Variants in KIF6 observed in about 807,000 individuals in gnomAD.
The protein encoded by KIF6 is kinesin family member 6, also known as kinesin-like protein KIF6.
In KIF6, 106 loss-of-function variants were observed where a neutral mutation model predicts 112.7. That is an observed-to-expected ratio of 0.94 (90% confidence interval 0.80 to 1.11). KIF6 has a LOEUF of 1.11. KIF6 is among the 50% of genes least tolerant of loss of function. The pLI, the probability that KIF6 is intolerant of heterozygous loss-of-function variation, is 0.00. For missense variants in KIF6, 929 were observed against 964.0 expected (o/e 0.96, Z 0.48); for synonymous variants, 339 against 339.9 (o/e 1.00, Z 0.03).
chr6:39,478,595 T>C (rs2150452513), intron 13 of KIF6, among the ~76,000 whole-genome samples: 1 of 152,290 alleles, frequency 6.6e-6, no homozygotes, highest in East Asian at 1.9e-4. Flanking sequence ...CTACTTTTAG[T>C]TCTTTAAGGA....
intron 13 of KIF6, among the ~76,000 whole-genome samples, chr6:39,527,762 C>A (rs1029167885): frequency 6.6e-6 from 1 of 152,144 alleles, no homozygotes; most frequent in Non-Finnish European, 1.5e-5. Flanking sequence ...ATATCCCTGC[C>A]AACTCTACAC....
chr6:39,356,873 A>G (rs1174119402), intron 19 of KIF6, among the ~76,000 whole-genome samples: 1 of 152,186 alleles, frequency 6.6e-6, no homozygotes, highest in Admixed American at 6.5e-5. Flanking sequence ...GATCCTGGCT[A>G]GGACGAAGAG....
chr6:39,591,848 C>T (rs977541152), intron 7 of KIF6, among the ~76,000 whole-genome samples: 4 of 152,168 alleles, frequency 2.6e-5, no homozygotes, highest in Non-Finnish European at 4.4e-5. Flanking sequence ...AGCGGTGGCT[C>T]ACACCTGTAA....
chr6:39,662,961 C>T (rs1276617337), intron 3 of KIF6, among the ~76,000 whole-genome samples: 1 of 151,492 alleles, frequency 6.6e-6, no homozygotes, highest in Non-Finnish European at 1.5e-5. Context: ...GTGGCACCAT[C>T]ATGGCTCACT....
At chr6:39,575,966 T>G (rs775124380) in intron 10 of KIF6, among the ~76,000 whole-genome samples, 1 of 152,190 alleles carries the variant, frequency 6.6e-6, no homozygotes, top group Non-Finnish European at 1.5e-5. Context: ...GAGAGATCCA[T>G]GTGTTTATCC....
At chr6:39,416,614 G>C (rs1234159483) in intron 15 of KIF6, among the ~76,000 whole-genome samples, 1 of 152,154 alleles carries the variant, frequency 6.6e-6, no homozygotes, top group Non-Finnish European at 1.5e-5. Context: ...TATCTACCTA[G>C]TTGGGTTGGC....
chr6:39,459,532 TTAAAC>T, intron 13 of KIF6, among the ~76,000 whole-genome samples: 1 of 12,168 alleles, frequency 8.2e-5, no homozygotes, highest in Non-Finnish European at 1.3e-4. Context: ...TGGTATCTAA[TTAAAC>T]TAAAGAGCTT....
chr6:39,691,006 A>T (rs571455941), intron 3 of KIF6: 1 of 152,384 alleles, frequency 6.6e-6, no homozygotes, highest in South Asian at 2.1e-4. Context: ...GAAACAATGA[A>T]TAATTTTATG....
intron 3 of KIF6, chr6:39,691,738 CA>C (rs1374119403): frequency 2.0e-5 from 3 of 152,154 alleles, no homozygotes; most frequent in Non-Finnish European, 4.4e-5. Flanking sequence ...TCAAATGGAA[CA>C]ATGAAAATCT....
intron 9 of KIF6, among the ~76,000 whole-genome samples, chr6:39,579,817 T>A (rs1035547405): frequency 1.3e-5 from 2 of 151,912 alleles, no homozygotes; most frequent in African/African-American, 4.8e-5. Context: ...ATAATATGTT[T>A]ATATATATAA....
chr6:39,413,614 G>A (rs11755129), intron 15 of KIF6, among the ~76,000 whole-genome samples: 5,764 of 152,122 alleles, frequency 0.038, 192 homozygotes, highest in Non-Finnish European at 0.051. Flanking sequence ...ACGAAGGTAC[G>A]AATTCTAAAG....
chr6:39,546,972 T>C (rs557507540), intron 10 of KIF6, among the ~76,000 whole-genome samples: 1 of 152,324 alleles, frequency 6.6e-6, no homozygotes, highest in Admixed American at 6.5e-5. Flanking sequence ...AACACAAATA[T>C]GTTCACTAGT....
intron 13 of KIF6, among the ~76,000 whole-genome samples, chr6:39,528,527 T>C (rs889181913): frequency 6.6e-6 from 1 of 152,250 alleles, no homozygotes; most frequent in African/African-American, 2.4e-5. Context: ...ATTCTATTTC[T>C]AGTTTTTCTA....
intron 3 of KIF6, among the ~76,000 whole-genome samples, chr6:39,709,837 A>ATATCTGAAGTGGTATAGTGTC (rs566756453): frequency 1.1e-3 from 170 of 152,302 alleles, no homozygotes; most frequent in African/African-American, 3.9e-3. Flanking sequence ...TTTCTGTTTA[A>ATATCTGAAGTGGTATAGTGTC]TATCTGAAGT....
intron 3 of KIF6, among the ~76,000 whole-genome samples, chr6:39,693,088 A>G (rs2113809558): frequency 6.6e-6 from 1 of 152,330 alleles, no homozygotes; most frequent in African/African-American, 2.4e-5. Context: ...GCCCAGATCA[A>G]TGTACGCATA....
intron 3 of KIF6, among the ~76,000 whole-genome samples, chr6:39,710,605 G>A (rs1415049476): frequency 6.6e-6 from 1 of 151,926 alleles, no homozygotes; most frequent in Non-Finnish European, 1.5e-5. Context: ...AAATTTAGAG[G>A]GATAAAGAAG....
At position 39,589,383 on chromosome 6, in the gene KIF6, C is replaced by T. The variant is rs115327705; in HGVS notation, c.847-2979G>A. Among the ~76,000 whole-genome samples, 15 of 152,176 alleles carry T rather than the reference C, an allele frequency of 9.9e-5. No homozygotes were observed. In the East Asian group the frequency reaches 2.1e-3, roughly 22 times the overall value. ...TAGGTACTTATTTGTTATCTGCTTC[C>T]CCTCTAGGCTTTCTGCTCTGCAAGG... On this transcript the variant is annotated intron_variant, in intron 7 of 22. Transcript: ENST00000287152.
Position 39,335,999 on chromosome 6 carries a change from G to C in KIF6, c.*533C>G, listed in dbSNP as rs1368293612. 1 of 153,202 alleles carries C rather than the reference G, an allele frequency of 6.5e-6. No individual in the cohort carries two copies. The highest frequency in any genetic ancestry group is 1.5e-5 in the Non-Finnish European group (1 of 68,866). 9.5% of individuals were successfully genotyped at this position (153,202 alleles called of 1,614,324 possible). A position where few individuals can be genotyped will look rare whatever the true frequency, so the allele number is the denominator to read the frequency against. On this transcript the variant is annotated 3_prime_UTR_variant, in exon 23 of 23. Transcript: ENST00000287152. ...GATGTGGTCTGGGAGATCAGGATTG[G>C]CCTTCAGGATGCCCTGCATTCCACT... is the stretch of plus-strand genomic sequence containing the variant.
chr6:39,682,996 G>A (rs1364320280), intron 3 of KIF6, among the ~76,000 whole-genome samples: 1 of 152,242 alleles, frequency 6.6e-6, no homozygotes, highest in Non-Finnish European at 1.5e-5. Context: ...ACAGGCCAAA[G>A]GGCAAGAACA....
Sources: gnomAD v4.1 joint callset for allele counts (sites outside exome capture counted in the v4.1 genomes callset) on GRCh38, gnomAD v4.1.1 for gene constraint, MANE v1.5 for transcripts, NCBI Gene and HGNC (gene_info 2026-07-23, HGNC 2026-07-21) for gene names.